UGT1A8: variants seen among roughly 807,000 people sequenced by gnomAD.
The protein encoded by UGT1A8 is UDP-glucuronosyltransferase 1A8.
UGT1A8 carries 39 observed loss-of-function variants against 45.3 expected under a neutral mutation model. That is an observed-to-expected ratio of 0.86 (90% confidence interval 0.67 to 1.12). The LOEUF (loss-of-function observed/expected upper bound fraction) is 1.12, where lower values mean the gene tolerates loss of function less well. UGT1A8 is among the 50% of genes most tolerant of loss of function. UGT1A8 has a pLI of 0.00. For synonymous variants in UGT1A8, 275 were observed against 249.2 expected, an observed-to-expected ratio of 1.10 and a Z score of -0.97; for missense variants, 719 against 664.9, an observed-to-expected ratio of 1.08 and a Z score of -0.90.
chr2:233,743,946 C>T, intron 1 of UGT1A8: 1 of 1,349,798 alleles, frequency 7.4e-7, no homozygotes, highest in South Asian at 1.2e-5. Flanking sequence ...CCACCAGGCA[C>T]TGGCACAGCG....
chr2:233,724,364 G>C (rs1172748596), intron 1 of UGT1A8, among the ~76,000 whole-genome samples: 12 of 145,710 alleles, frequency 8.2e-5, no homozygotes, highest in Non-Finnish European at 1.2e-4. Flanking sequence ...CCTCCCGGAC[G>C]GGGTGGCTGC....
intron 4 of UGT1A8, chr2:233,770,774 T>C (rs1700153442): frequency 6.6e-6 from 1 of 152,224 alleles, no homozygotes; most frequent in African/African-American, 2.4e-5. Context: ...TAATAATGTT[T>C]CCAAATAACA....
intron 1 of UGT1A8, chr2:233,719,128 C>G: frequency 6.2e-7 from 1 of 1,614,240 alleles, no homozygotes; most frequent in East Asian, 2.2e-5. Flanking sequence ...TTCTTTGAAA[C>G]AGAACATCTT....
In UGT1A8 at chr2:233,772,858, A is replaced by C; in HGVS notation, c.*299A>C. ...TAGATTACTTTTCTTACTCTGAAAC[A>C]TGGCCTGTTTGGGAGTGCGGGATTC... On this transcript the variant is annotated 3_prime_UTR_variant, in exon 5 of 5. Transcript: ENST00000373450. The C allele has an allele frequency of 1.4e-6, 1 of 719,796 alleles. No individual in the cohort carries two copies. The allele number at this position is 719,796 out of a possible 1,614,324, so 44.6% of individuals were successfully genotyped here.
At chr2:233,742,161 C>A (rs1479905655) in intron 1 of UGT1A8, among the ~76,000 whole-genome samples, 2 of 151,932 alleles carry the variant, frequency 1.3e-5, no homozygotes, top group African/African-American at 2.4e-5. Context: ...ATTAAAGACA[C>A]ACACACAGAA....
chr2:233,689,829 T>C (rs2074961574), intron 1 of UGT1A8: 2 of 452,156 alleles, frequency 4.4e-6, no homozygotes, highest in South Asian at 3.1e-5. Context: ...CTCTGGACTC[T>C]AACTTTCTTG....
chr2:233,667,685 G>GA (rs542041312), intron 1 of UGT1A8, among the ~76,000 whole-genome samples: 33 of 152,230 alleles, frequency 2.2e-4, no homozygotes, highest in East Asian at 9.7e-4. Flanking sequence ...AAATTTACAA[G>GA]AAAAAATCAA....
chr2:233,747,872 G>C, intron 1 of UGT1A8: 5 of 1,613,496 alleles, frequency 3.1e-6, no homozygotes, highest in Non-Finnish European at 4.2e-6. Context: ...CTCTGGCCCT[G>C]TCCTACCTTT....
chr2:233,635,973 G>T (rs2073281450), intron 1 of UGT1A8, among the ~76,000 whole-genome samples: 2 of 150,900 alleles, frequency 1.3e-5, no homozygotes, highest in South Asian at 4.2e-4. Context: ...CTCAGGGTTT[G>T]GATATGGAAG....
chr2:233,740,156 C>T (rs578012287), intron 1 of UGT1A8, among the ~76,000 whole-genome samples: 1 of 151,870 alleles, frequency 6.6e-6, no homozygotes, highest in Non-Finnish European at 1.5e-5. Context: ...GAGGCCTCCC[C>T]AGTCATGTGG....
At chr2:233,713,515 A>G (rs2125634439) in intron 1 of UGT1A8, 1 of 1,613,910 alleles carries the variant, frequency 6.2e-7, no homozygotes. Context: ...TTCTTGAGGA[A>G]CATTCCATGT....
chr2:233,655,716 C>T (rs1344859094), intron 1 of UGT1A8, among the ~76,000 whole-genome samples: 2 of 152,170 alleles, frequency 1.3e-5, no homozygotes, highest in Non-Finnish European at 2.9e-5. Context: ...CCTCAGGGTG[C>T]CTGTCAGGCA....
intron 4 of UGT1A8, chr2:233,771,165 A>T (rs927521180): frequency 6.6e-6 from 1 of 152,234 alleles, no homozygotes; most frequent in African/African-American, 2.4e-5. Context: ...CATCTCCAGC[A>T]CTGGGGATTA....
intron 1 of UGT1A8, chr2:233,755,307 C>T (rs547203505): frequency 5.2e-6 from 3 of 580,082 alleles, no homozygotes; most frequent in African/African-American, 1.9e-5. Context: ...ACTGGCACAG[C>T]GAGCGGCAAG....
intron 1 of UGT1A8, chr2:233,747,090 C>T (rs999571843): frequency 1.8e-5 from 23 of 1,247,242 alleles, no homozygotes; most frequent in Non-Finnish European, 6.6e-6. Flanking sequence ...GAGGAGAGCA[C>T]TCTATCTTCC....
At chr2:233,701,218 C>A (rs1237228393) in intron 1 of UGT1A8, among the ~76,000 whole-genome samples, 1 of 152,080 alleles carries the variant, frequency 6.6e-6, no homozygotes, top group Non-Finnish European at 1.5e-5. Flanking sequence ...TATTTATAAT[C>A]CTTTGGGTAT....
Position 233,772,498 on chromosome 2 carries a change from A to G in UGT1A8, c.1532A>G (p.Tyr511Cys), listed in dbSNP as rs1575871592. The G allele has an allele frequency of 1.2e-6, 2 of 1,614,068 alleles. No homozygotes were observed. The highest frequency in any genetic ancestry group is 2.2e-5 in the East Asian group (1 of 44,892). ...ACCTTTAAATGTTGTGCTTATGGCT[A>G]CCGGAAATGCTTGGGGAAAAAAGGG... is the stretch of plus-strand genomic sequence containing the variant. Reference protein sequence around the residue: ...FITFKCCAYGYRKCLGKKGRV... With the variant: ...FITFKCCAYGCRKCLGKKGRV... Residue 511 changes from tyrosine (Y) to cysteine (C), a missense_variant, in exon 5 of 5, where the codon TAC (tyrosine) becomes TGC (cysteine). By Grantham distance (194) the Tyr-to-Cys change is radical (BLOSUM62 -2). Transcript: ENST00000373450.
chr2:233,693,370 C>G (rs770188786), intron 1 of UGT1A8: 1 of 1,614,164 alleles, frequency 6.2e-7, no homozygotes, highest in Non-Finnish European at 8.5e-7. Context: ...TTGGCCTGTA[C>G]TTCATCAACT....
chr2:233,632,641 T>C (rs565250274), intron 1 of UGT1A8, among the ~76,000 whole-genome samples: 2 of 152,318 alleles, frequency 1.3e-5, no homozygotes, highest in African/African-American at 2.4e-5. Flanking sequence ...TTTTCCATTA[T>C]TGGTGTATAG....
Sources: gnomAD v4.1 joint callset for allele counts (sites outside exome capture counted in the v4.1 genomes callset) on GRCh38, gnomAD v4.1.1 for gene constraint, MANE v1.5 for transcripts, NCBI Gene and HGNC (gene_info 2026-07-23, HGNC 2026-07-21) for gene names.